Variants in PDGFD observed in about 807,000 individuals in gnomAD.
The protein encoded by PDGFD is platelet derived growth factor D, also known as platelet-derived growth factor D.
In PDGFD, 30 loss-of-function variants were observed where a neutral mutation model predicts 44.7. The observed-to-expected ratio is 0.67, with a 90% CI of 0.50 to 0.91. PDGFD has a LOEUF of 0.91. PDGFD is among the 40% of genes least tolerant of loss of function. The pLI, the probability that PDGFD is intolerant of heterozygous loss-of-function variation, is 0.00. For synonymous variants in PDGFD, 173 were observed against 168.4 expected (o/e 1.03, Z -0.21); for missense variants, 445 against 457.8 (o/e 0.97, Z 0.25).
At chr11:104,093,645 T>G (rs959227977) in intron 1 of PDGFD, among the ~76,000 whole-genome samples, 4 of 151,950 alleles carry the variant, frequency 2.6e-5, no homozygotes, top group Non-Finnish European at 4.4e-5. Context: ...CCTCACTCCC[T>G]CACTTTTAGC....
chr11:103,927,731 A>T (rs965141552), intron 5 of PDGFD, among the ~76,000 whole-genome samples: 1 of 152,234 alleles, frequency 6.6e-6, no homozygotes, highest in African/African-American at 2.4e-5. Context: ...CCTAGATGGC[A>T]GTATAGCATA....
At position 104,118,853 on chromosome 11, in the gene PDGFD, T is replaced by TTATAAATATTAATA. The variant is rs1565340221; in HGVS notation, c.124+44950_124+44951insTATTAATATTTATA. Among the ~76,000 whole-genome samples, 40 of 29,694 alleles carry TTATAAATATTAATA rather than the reference T, an allele frequency of 1.3e-3. 1 individual carries two copies. The highest frequency in any genetic ancestry group is 3.4e-3 in the African/African-American group (32 of 9,526). 19.5% of individuals were successfully genotyped at this position (29,694 alleles called of 152,430 possible). A position where few individuals can be genotyped will look rare whatever the true frequency, so the allele number is the denominator to read the frequency against. On this transcript the variant is annotated intron_variant, in intron 1 of 6. Transcript: ENST00000393158. ...ATATTAATATATAATATATTATATA[T>TTATAAATATTAATA]TATAATATATTATATATTAATATAC...
At chr11:103,984,999 TG>T in intron 3 of PDGFD, among the ~76,000 whole-genome samples, 1 of 138,728 alleles carries the variant, frequency 7.2e-6, no homozygotes, top group Admixed American at 7.7e-5. Flanking sequence ...TAATTTAATA[TG>T]TTATATTTAT....
chr11:104,041,200 T>C (rs988838028), intron 1 of PDGFD, among the ~76,000 whole-genome samples: 3 of 152,058 alleles, frequency 2.0e-5, no homozygotes, highest in African/African-American at 7.2e-5. Flanking sequence ...CATAGAGAAA[T>C]GAGTAGGTTA....
chr11:104,053,299 T>C (rs1023389916), intron 1 of PDGFD, among the ~76,000 whole-genome samples: 2 of 152,214 alleles, frequency 1.3e-5, no homozygotes, highest in Non-Finnish European at 2.9e-5. Context: ...TTTTGTTCTT[T>C]CTTGTGTTTT....
intron 2 of PDGFD, among the ~76,000 whole-genome samples, chr11:103,998,750 G>C (rs528618549): frequency 6.6e-6 from 1 of 152,256 alleles, no homozygotes; most frequent in East Asian, 1.9e-4. Flanking sequence ...TTGTGGGACT[G>C]AGCCTTAACT....
intron 1 of PDGFD, among the ~76,000 whole-genome samples, chr11:104,008,006 T>C (rs1200950830): frequency 6.6e-6 from 1 of 152,186 alleles, no homozygotes; most frequent in Non-Finnish European, 1.5e-5. Context: ...CAGAGAGAAG[T>C]GATTTGTTGC....
chr11:104,158,149 G>A (rs7115797), intron 1 of PDGFD, among the ~76,000 whole-genome samples: 48,572 of 152,016 alleles, frequency 0.32, 7,841 homozygotes, highest in Middle Eastern at 0.37. Context: ...CCATTAAAGC[G>A]CATATCACAC....
Position 103,914,207 on chromosome 11 carries a change from C to T in PDGFD, c.988-4388G>A, listed in dbSNP as rs532560552. Among the ~76,000 whole-genome samples, 5 of 152,274 alleles carry T rather than the reference C, an allele frequency of 3.3e-5. No individual in the cohort carries two copies. In the South Asian group the frequency reaches 1.0e-3, roughly 32 times the overall value. On this transcript the variant is annotated intron_variant, in intron 6 of 6. Transcript: ENST00000393158. ...TGTCCCAGTAGATAACCTCAAGGAG[C>T]CAGTGCCAGGGAGTGATGGCCCTCA...
chr11:104,106,046 A>T (rs76285261), intron 1 of PDGFD, among the ~76,000 whole-genome samples: 8,418 of 152,158 alleles, frequency 0.055, 364 homozygotes, highest in African/African-American at 0.12. Context: ...ATCTTCATTT[A>T]AAAAAATTAA....
chr11:103,932,700 G>A (rs964992254), intron 5 of PDGFD, among the ~76,000 whole-genome samples: 3 of 152,136 alleles, frequency 2.0e-5, no homozygotes, highest in Non-Finnish European at 4.4e-5. Flanking sequence ...GCACAACATC[G>A]TCTTTGTGCC....
intron 1 of PDGFD, among the ~76,000 whole-genome samples, chr11:104,101,795 T>G (rs952698944): frequency 6.6e-6 from 1 of 151,958 alleles, no homozygotes; most frequent in Non-Finnish European, 1.5e-5. Flanking sequence ...TATCTGATCT[T>G]TGACAAACCT....
intron 1 of PDGFD, among the ~76,000 whole-genome samples, chr11:104,077,912 A>G (rs1185777427): frequency 6.6e-6 from 1 of 152,120 alleles, no homozygotes; most frequent in Non-Finnish European, 1.5e-5. Context: ...TGAAGGGGAA[A>G]ATGTACAGAC....
intron 1 of PDGFD, among the ~76,000 whole-genome samples, chr11:104,047,807 A>C (rs1274788433): frequency 2.0e-5 from 3 of 152,218 alleles, no homozygotes; most frequent in Admixed American, 6.5e-5. Flanking sequence ...TTAACATCTT[A>C]CATCAAGTTC....
At chr11:103,962,247 A>G (rs1210546194) in intron 3 of PDGFD, among the ~76,000 whole-genome samples, 1 of 152,174 alleles carries the variant, frequency 6.6e-6, no homozygotes, top group East Asian at 1.9e-4. Context: ...CCACTCAAAT[A>G]CAATTTAGTC....
At chr11:103,995,229 G>A (rs1039188242) in intron 3 of PDGFD, among the ~76,000 whole-genome samples, 1 of 152,098 alleles carries the variant, frequency 6.6e-6, no homozygotes, top group African/African-American at 2.4e-5. Flanking sequence ...TTAAGCTCCA[G>A]ACGGTTCAAG....
At chr11:104,156,657 T>C (rs777907628) in intron 1 of PDGFD, among the ~76,000 whole-genome samples, 1 of 152,160 alleles carries the variant, frequency 6.6e-6, no homozygotes, top group Non-Finnish European at 1.5e-5. Context: ...AGTATTAATC[T>C]GTCAATATTA....
In PDGFD at chr11:104,048,487, T is replaced by G. The variant is rs1208701120; in HGVS notation, c.125-48232A>C. Among the ~76,000 whole-genome samples the G allele has an allele frequency of 3.9e-5, 6 of 152,234 alleles. No homozygotes were observed. The East Asian group carries it at 9.7e-4, about 25-fold the overall frequency. ...ACATTCTGTATCTTCTTATTCTCTC[T>G]CCATGTGAATGAAAATGTCTTAACA... On this transcript the variant is annotated intron_variant, in intron 1 of 6. Coordinates refer to ENST00000393158, the MANE Select transcript of PDGFD (RefSeq NM_025208.5).
chr11:104,037,581 T>C, intron 1 of PDGFD: 1 of 1,614,022 alleles, frequency 6.2e-7, no homozygotes, highest in South Asian at 1.1e-5. Flanking sequence ...TGAATGGGCA[T>C]CCTTTGAAGG....
Sources: allele counts gnomAD v4.1 joint callset (sites outside exome capture counted in the v4.1 genomes callset), GRCh38; gene constraint gnomAD v4.1.1; transcripts MANE v1.5; gene names NCBI Gene and HGNC (gene_info 2026-07-23, HGNC 2026-07-21).